The following B3GALT1 variants were observed in gnomAD, a reference collection of about 807,000 sequenced individuals.
B3GALT1 encodes UDP-Gal:betaGlcNAc beta 1,3-galactosyltransferase, polypeptide 1.
Under a neutral mutation model 23.2 loss-of-function variants are expected in B3GALT1, and 10 were observed. The observed-to-expected ratio is 0.43, with a 90% CI of 0.27 to 0.73. The LOEUF is 0.73. Ranked by LOEUF, B3GALT1 falls within the 30% of genes least tolerant of loss-of-function variation. The pLI, the probability that B3GALT1 is intolerant of heterozygous loss-of-function variation, is 0.21. For synonymous variants in B3GALT1, 156 were observed against 141.5 expected, an observed-to-expected ratio of 1.10 and a Z score of -0.73; for missense variants, 299 against 405.4, an observed-to-expected ratio of 0.74 and a Z score of 2.25.
At chr2:167,566,959 T>A (rs1014582019) in intron 2 of B3GALT1, among the ~76,000 whole-genome samples, 2 of 152,184 alleles carry the variant, frequency 1.3e-5, no homozygotes, top group Non-Finnish European at 2.9e-5. Flanking sequence ...AGGGTAGAGA[T>A]TCCAATACCT....
intron 3 of B3GALT1, among the ~76,000 whole-genome samples, chr2:167,652,789 T>C (rs1685889814): frequency 6.6e-6 from 1 of 152,188 alleles, no homozygotes; most frequent in Non-Finnish European, 1.5e-5. Context: ...CTGTGGTAGT[T>C]TTTGCACATA....
chr2:167,560,039 T>G (rs1279039620), intron 2 of B3GALT1, among the ~76,000 whole-genome samples: 2 of 152,046 alleles, frequency 1.3e-5, no homozygotes, highest in Admixed American at 6.5e-5. Context: ...GAAAAAATGT[T>G]AAGGGCAGCC....
chr2:167,444,227 A>G (rs967111750), intron 1 of B3GALT1, among the ~76,000 whole-genome samples: 1 of 152,170 alleles, frequency 6.6e-6, no homozygotes, highest in African/African-American at 2.4e-5. Flanking sequence ...CCACTTGATC[A>G]TGGTGGATAA....
Position 167,326,728 on chromosome 2 carries a change from C to T in B3GALT1, c.-511+33394C>T, listed in dbSNP as rs1439250958. ...TTGTAGAGACACAGTTTCACTCTAT[C>T]GCCCAGGCTGGAGTGCAATGGTATG... On this transcript the variant is annotated intron_variant, in intron 1 of 4. Coordinates refer to ENST00000392690, the MANE Select transcript of B3GALT1 (RefSeq NM_020981.4). Among the ~76,000 whole-genome samples, 6 of 151,968 alleles carry T rather than the reference C, an allele frequency of 3.9e-5. No individual in the cohort carries two copies. The East Asian group carries it at 7.8e-4, about 20-fold the overall frequency.
chr2:167,837,232 A>C lies in B3GALT1; in HGVS notation c.-230+18439A>C, dbSNP rs373273845. Among the ~76,000 whole-genome samples the C allele has an allele frequency of 1.4e-3, 206 of 152,284 alleles. No homozygotes were observed. The Middle Eastern group carries it at 0.02, about 15-fold the overall frequency. On this transcript the variant is annotated intron_variant, in intron 4 of 4. Coordinates refer to ENST00000392690, the MANE Select transcript of B3GALT1 (RefSeq NM_020981.4). Reference sequence around the variant, plus strand: ...GCTCCAATTAAAAGACACAGACTGGAAAATTGGATAAAGAGTCAAGACCCA... The same window carrying C: ...GCTCCAATTAAAAGACACAGACTGGCAAATTGGATAAAGAGTCAAGACCCA...
At chr2:167,730,964 A>G (rs2105265594) in intron 3 of B3GALT1, among the ~76,000 whole-genome samples, 1 of 152,354 alleles carries the variant, frequency 6.6e-6, no homozygotes, top group Admixed American at 6.5e-5. Context: ...TGAAGAAAGT[A>G]CTAGTATCCT....
At chr2:167,453,045 T>C (rs1162988583) in intron 1 of B3GALT1, among the ~76,000 whole-genome samples, 1 of 152,184 alleles carries the variant, frequency 6.6e-6, no homozygotes, top group African/African-American at 2.4e-5. Flanking sequence ...GTAAAGTATA[T>C]ATCTTTGTTA....
At chr2:167,863,844 G>GT (rs1354764501) in intron 4 of B3GALT1, among the ~76,000 whole-genome samples, 1 of 152,014 alleles carries the variant, frequency 6.6e-6, no homozygotes, top group Non-Finnish European at 1.5e-5. Context: ...CAAATTCTCT[G>GT]TTTTTTCAAC....
intron 3 of B3GALT1, among the ~76,000 whole-genome samples, chr2:167,671,548 A>C (rs1399683373): frequency 2.6e-5 from 4 of 152,298 alleles, no homozygotes; most frequent in African/African-American, 9.6e-5. Flanking sequence ...AACAACACAC[A>C]CCTAAACAAT....
intron 2 of B3GALT1, among the ~76,000 whole-genome samples, chr2:167,494,369 A>G (rs1159662120): frequency 1.3e-5 from 2 of 151,960 alleles, no homozygotes; most frequent in Non-Finnish European, 2.9e-5. Context: ...TGATATTTAT[A>G]TTTTAGGGAA....
intron 2 of B3GALT1, among the ~76,000 whole-genome samples, chr2:167,502,248 C>G (rs1213575591): frequency 1.3e-5 from 2 of 152,070 alleles, no homozygotes; most frequent in Admixed American, 6.6e-5. Context: ...TAACAGAATG[C>G]CTTTTGACTA....
intron 1 of B3GALT1, among the ~76,000 whole-genome samples, chr2:167,442,540 G>A (rs1057173501): frequency 6.6e-6 from 1 of 151,656 alleles, no homozygotes; most frequent in Admixed American, 6.6e-5. Context: ...TCCAGCACCT[G>A]TTGTTTCCTG....
chr2:167,299,299 T>G (rs1269401607), intron 1 of B3GALT1, among the ~76,000 whole-genome samples: 3 of 152,224 alleles, frequency 2.0e-5, no homozygotes, highest in East Asian at 1.9e-4. Flanking sequence ...AGTTGTAAAT[T>G]TAGATACTAC....
chr2:167,303,644 T>TACACACACACACACACACAC lies in B3GALT1; in HGVS notation c.-511+10330_-511+10349dup, dbSNP rs61323885. Among the ~76,000 whole-genome samples the TACACACACACACACACACAC allele has an allele frequency of 9.0e-5, 13 of 145,006 alleles. 1 individual carries two copies. Among genetic ancestry groups the TACACACACACACACACACAC allele is most frequent in the African/African-American group, 3.4e-4 (13 of 38,448 alleles). The stretch of plus-strand genomic sequence containing the variant: ...TCTCCTGCTCTTGGAAACACACACA[T>TACACACACACACACACACAC]ACACACACACACACACACACACACA... On this transcript the variant is annotated intron_variant, in intron 1 of 4. Coordinates refer to ENST00000392690, the MANE Select transcript of B3GALT1 (RefSeq NM_020981.4).
chr2:167,432,006 C>G (rs1322131487), intron 1 of B3GALT1, among the ~76,000 whole-genome samples: 1 of 152,038 alleles, frequency 6.6e-6, no homozygotes, highest in Non-Finnish European at 1.5e-5. Flanking sequence ...AAATCATGGG[C>G]CTAGAAGAGA....
chr2:167,357,658 G>A (rs1211290808), intron 1 of B3GALT1, among the ~76,000 whole-genome samples: 1 of 152,144 alleles, frequency 6.6e-6, no homozygotes, highest in Admixed American at 6.5e-5. Flanking sequence ...TCTGCTGGCA[G>A]GTTCACTATT....
At chr2:167,711,886 T>A (rs1305731851) in intron 3 of B3GALT1, among the ~76,000 whole-genome samples, 1 of 152,108 alleles carries the variant, frequency 6.6e-6, no homozygotes, top group Non-Finnish European at 1.5e-5. Flanking sequence ...CAGGATTGCT[T>A]CAGCTGGGGA....
Position 167,579,432 on chromosome 2 carries a change from C to CTTTTTTTTTTTTTTTTTTTTTTTTTTTTT in B3GALT1, c.-409-67462_-409-67461insTTTTTTTTTTTTTTTTTTTTTTTTTTTTT, listed in dbSNP as rs71395297. Among the ~76,000 whole-genome samples, 4 of 109,034 alleles carry CTTTTTTTTTTTTTTTTTTTTTTTTTTTTT rather than the reference C, an allele frequency of 3.7e-5. 1 individual carries two copies. The highest frequency in any genetic ancestry group is 7.0e-5 in the Non-Finnish European group (4 of 57,292). The allele number at this position is 109,034 out of a possible 152,430, so 71.5% of individuals were successfully genotyped here. ...TGGTTTTGGTTTTGTTTTTTTTTGT[C>CTTTTTTTTTTTTTTTTTTTTTTTTTTTTT]TTTTTTTTTTTTTTTCCATTTAAAT... On this transcript the variant is annotated intron_variant, in intron 2 of 4. Transcript: ENST00000392690.
chr2:167,301,991 C>G (rs1438896423), intron 1 of B3GALT1, among the ~76,000 whole-genome samples: 1 of 152,098 alleles, frequency 6.6e-6, no homozygotes, highest in Non-Finnish European at 1.5e-5. Context: ...AGTAATATCT[C>G]TTGTAGGAAT....
Sources: gnomAD v4.1 joint callset for allele counts (sites outside exome capture counted in the v4.1 genomes callset) on GRCh38, gnomAD v4.1.1 for gene constraint, MANE v1.5 for transcripts, NCBI Gene and HGNC (gene_info 2026-07-23, HGNC 2026-07-21) for gene names.